Variants in AGBL1 observed in about 807,000 individuals in gnomAD.
AGBL1 encodes cytosolic carboxypeptidase 4.
AGBL1 carries 130 observed loss-of-function variants against 118.9 expected under a neutral mutation model. The ratio of observed to expected loss-of-function variants is 1.09; its 90% CI spans 0.95 to 1.26. The LOEUF is 1.26. AGBL1 is among the 50% of genes most tolerant of loss of function. The pLI is 0.00. For synonymous variants in AGBL1, 555 were observed against 478.9 expected (o/e 1.16, Z -2.08); for missense variants, 1,584 against 1,298.1 (o/e 1.22, Z -3.38).
intron 1 of AGBL1, among the ~76,000 whole-genome samples, chr15:86,133,579 A>G (rs1483305146): frequency 6.6e-6 from 1 of 152,258 alleles, no homozygotes; most frequent in East Asian, 1.9e-4. Flanking sequence ...TTCCTGGTAC[A>G]TAGCAAATGC....
intron 22 of AGBL1, among the ~76,000 whole-genome samples, chr15:86,784,247 C>T (rs2078374723): frequency 6.6e-6 from 1 of 152,118 alleles, no homozygotes; most frequent in Admixed American, 6.5e-5. Context: ...AATGTTGGAG[C>T]ATAGAAAGTC....
chr15:86,663,448 T>C, intron 21 of AGBL1, among the ~76,000 whole-genome samples: 1 of 152,142 alleles, frequency 6.6e-6, no homozygotes, highest in Middle Eastern at 3.2e-3. Flanking sequence ...AAGAGATTAC[T>C]CCTGCTAGTC....
intron 22 of AGBL1, among the ~76,000 whole-genome samples, chr15:86,796,181 T>G (rs1596488752): frequency 6.6e-6 from 1 of 152,324 alleles, no homozygotes; most frequent in East Asian, 1.9e-4. Flanking sequence ...CAGCATTCTC[T>G]TCTCATTCTT....
At chr15:86,756,282 A>G (rs955677906) in intron 22 of AGBL1, among the ~76,000 whole-genome samples, 1 of 151,728 alleles carries the variant, frequency 6.6e-6, no homozygotes, top group Non-Finnish European at 1.5e-5. Context: ...CCATTTTCTC[A>G]GAAAAATTTC....
At chr15:86,716,065 CA>C (rs35322996) in intron 22 of AGBL1, among the ~76,000 whole-genome samples, 57,963 of 109,644 alleles carry the variant, frequency 0.53, 13,112 homozygotes, top group African/African-American at 0.69. Flanking sequence ...GACTCCGTCT[CA>C]AAAAAAAAAA....
At chr15:87,022,178 C>G (rs1027613705) in intron 24 of AGBL1, among the ~76,000 whole-genome samples, 1 of 152,056 alleles carries the variant, frequency 6.6e-6, no homozygotes, top group African/African-American at 2.4e-5. Flanking sequence ...GCCTTCAGCC[C>G]TACACCTTCC....
At chr15:86,338,221 G>C (rs1466792874) in intron 17 of AGBL1, among the ~76,000 whole-genome samples, 1 of 152,188 alleles carries the variant, frequency 6.6e-6, no homozygotes, top group East Asian at 1.9e-4. Context: ...TCTTGGCAAA[G>C]AAAATAGCAA....
intron 6 of AGBL1, among the ~76,000 whole-genome samples, chr15:86,245,568 T>C (rs1354866925): frequency 6.6e-6 from 1 of 152,186 alleles, no homozygotes. Context: ...CCAAGGAGCT[T>C]AACCTGAAAA....
chr15:86,437,594 C>A (rs2082014194), intron 18 of AGBL1, among the ~76,000 whole-genome samples: 2 of 152,184 alleles, frequency 1.3e-5, no homozygotes, highest in Admixed American at 1.3e-4. Flanking sequence ...CTGTCACAAG[C>A]CCAGCTAATC....
At chr15:86,573,532 G>C (rs922288499) in intron 21 of AGBL1, among the ~76,000 whole-genome samples, 2 of 152,218 alleles carry the variant, frequency 1.3e-5, no homozygotes, top group Non-Finnish European at 2.9e-5. Context: ...TTTGAAAGTA[G>C]GGCAGGGTCA....
chr15:86,438,630 A>G (rs1752216639), intron 18 of AGBL1, among the ~76,000 whole-genome samples: 1 of 151,574 alleles, frequency 6.6e-6, no homozygotes, highest in African/African-American at 2.4e-5. Flanking sequence ...TACTTATCTA[A>G]ATTCGTATAT....
At chr15:86,410,801 A>G (rs2081596474) in intron 18 of AGBL1, among the ~76,000 whole-genome samples, 1 of 44,584 alleles carries the variant, frequency 2.2e-5, no homozygotes, top group Non-Finnish European at 3.9e-5. Flanking sequence ...GACAAGGTCA[A>G]ATGTAGATAT....
chr15:86,313,344 T>C (rs931599314), intron 17 of AGBL1, among the ~76,000 whole-genome samples: 1 of 152,234 alleles, frequency 6.6e-6, no homozygotes, highest in African/African-American at 2.4e-5. Flanking sequence ...ACATACCAAA[T>C]TGCAGTCTAA....
intron 17 of AGBL1, among the ~76,000 whole-genome samples, chr15:86,396,075 T>C (rs1196551784): frequency 8.6e-5 from 13 of 150,806 alleles, no homozygotes; most frequent in Admixed American, 8.6e-4. Context: ...ATTCCATTTT[T>C]TTATGGTTGA....
At chr15:86,371,344 A>G (rs909044215) in intron 17 of AGBL1, among the ~76,000 whole-genome samples, 1 of 152,206 alleles carries the variant, frequency 6.6e-6, no homozygotes, top group Non-Finnish European at 1.5e-5. Context: ...GGAGTTGGAC[A>G]TGAGATTGGA....
chr15:86,677,293 C>A (rs1042988507), intron 22 of AGBL1, among the ~76,000 whole-genome samples: 1 of 152,170 alleles, frequency 6.6e-6, no homozygotes, highest in Non-Finnish European at 1.5e-5. Flanking sequence ...AAATGAAGTA[C>A]ATGCATGCTT....
intron 18 of AGBL1, among the ~76,000 whole-genome samples, chr15:86,458,240 T>G (rs2142080803): frequency 6.6e-6 from 1 of 152,090 alleles, no homozygotes; most frequent in Admixed American, 6.5e-5. Context: ...AATCAAAATT[T>G]TAAGAAGTAG....
At chr15:86,561,648 G>A (rs1208239345) in intron 21 of AGBL1, among the ~76,000 whole-genome samples, 2 of 152,100 alleles carry the variant, frequency 1.3e-5, no homozygotes, top group Admixed American at 6.6e-5. Flanking sequence ...CTCTTTTTTG[G>A]TGCTATATGA....
At chr15:86,964,031 C>CTCTG (rs1183866210) in intron 23 of AGBL1, among the ~76,000 whole-genome samples, 5,050 of 146,128 alleles carry the variant, frequency 0.035, 245 homozygotes, top group African/African-American at 0.1. Context: ...CTCTCTCTCT[C>CTCTG]TGTGTGTGTG....
Sources: allele counts gnomAD v4.1 joint callset (sites outside exome capture counted in the v4.1 genomes callset), GRCh38; gene constraint gnomAD v4.1.1; transcripts MANE v1.5; gene names NCBI Gene and HGNC (gene_info 2026-07-23, HGNC 2026-07-21).